The following CES2 variants were observed in gnomAD, a reference collection of about 807,000 sequenced individuals.
CES2 encodes carboxylesterase 2.
CES2 carries 42 observed loss-of-function variants against 52.1 expected under a neutral mutation model. That is an observed-to-expected ratio of 0.81 (90% CI 0.63 to 1.04). The LOEUF is 1.04. Among genes scored for constraint, CES2 ranks in the 50% least tolerant of loss-of-function variants. The pLI, the probability that CES2 is intolerant of heterozygous loss-of-function variation, is 0.00. For missense variants in CES2, 656 were observed against 724.3 expected, an observed-to-expected ratio of 0.91 and a Z score of 1.08; for synonymous variants, 277 against 289.6, an observed-to-expected ratio of 0.96 and a Z score of 0.44.
chr16:66,941,016 G>C, intron 5 of CES2, 108 bp from the exon 6 acceptor site: 1 of 1,486,434 alleles, frequency 6.7e-7, no homozygotes, highest in Non-Finnish European at 9.1e-7. Context: ...GAACTCATAC[G>C]AAGTACCCTC....
At position 66,939,307 on chromosome 16, in the gene CES2, G is replaced by C. The variant is rs779927105; in HGVS notation, c.372G>C (p.Leu124=). ...FPSDSMSEDC[L]YLSIYTPAHS... ...CCGACTCCATGTCTGAGGACTGCCT[G>C]TACCTCAGCATCTACACGCCGGCCC... The change falls in exon 3 of 12, where the codon CTG becomes CTC. Residue 124 remains leucine, a synonymous_variant. Coordinates refer to ENST00000317091, the MANE Select transcript of CES2 (RefSeq NM_001365405.1). 49 of 1,613,938 alleles carry C rather than the reference G, an allele frequency of 3.0e-5. No homozygotes were observed. In the East Asian group the frequency reaches 1.1e-3, roughly 36 times the overall value.
chr16:66,936,144 C>T (rs1386322403), intron 1 of CES2, among the ~76,000 whole-genome samples: 3 of 152,142 alleles, frequency 2.0e-5, no homozygotes, highest in Non-Finnish European at 4.4e-5. Flanking sequence ...GGGGGATGCC[C>T]TGAGCCCTCC....
intron 6 of CES2, 70 bp downstream of exon 6, chr16:66,941,292 C>T (rs11568310): frequency 0.016 from 25,338 of 1,579,010 alleles, 255 homozygotes; most frequent in Non-Finnish European, 0.019. Flanking sequence ...CCTGCACGGC[C>T]GTCATATTCC....
At position 66,943,484 on chromosome 16, in the gene CES2, T is replaced by C; in HGVS notation, c.1493+113T>C. 1.8e-6 allele frequency: 2 copies of C among 1,111,686 alleles called. No homozygotes were observed. The highest frequency in any genetic ancestry group is 2.7e-6 in the Non-Finnish European group (2 of 750,252). 68.9% of individuals were successfully genotyped at this position (1,111,686 alleles called of 1,614,324 possible). A position where few individuals can be genotyped will look rare whatever the true frequency, so the allele number is the denominator to read the frequency against. ...CACACCCGCATCCTTCATCACATGATGGCCCCTTCCCCAGCTCCGGGACCC... is the reference window on the plus strand; with the variant it reads ...CACACCCGCATCCTTCATCACATGACGGCCCCTTCCCCAGCTCCGGGACCC... On this transcript the variant is annotated intron_variant, in intron 11 of 11. Coordinates refer to ENST00000317091, the MANE Select transcript of CES2 (RefSeq NM_001365405.1). The surrounding 1 kb of genome is among the most constrained non-coding windows in gnomAD (Gnocchi z 4.2).
At chr16:66,940,853 A>G (rs532908875) in intron 5 of CES2, among the ~76,000 whole-genome samples, 158 bp downstream of exon 5, 1 of 152,166 alleles carries the variant, frequency 6.6e-6, no homozygotes, top group African/African-American at 2.4e-5. Flanking sequence ...GTCAGAATTC[A>G]CATCCTTCTG....
chr16:66,942,419 C>G, intron 9 of CES2, 170 bp downstream of exon 9: 4 of 849,236 alleles, frequency 4.7e-6, no homozygotes, highest in Non-Finnish European at 7.1e-6. Context: ...TCCGACATTT[C>G]CCCCATTTCA....
intron 10 of CES2, 68 bp downstream of exon 10, chr16:66,942,853 G>C (rs1963400218): frequency 1.2e-6 from 2 of 1,608,500 alleles, no homozygotes; most frequent in South Asian, 2.2e-5. Flanking sequence ...ATGATTGATT[G>C]TCCTCACTGC....
chr16:66,941,729 A>G (rs777211198), intron 7 of CES2, 39 bp from the exon 8 acceptor site: 6 of 1,613,888 alleles, frequency 3.7e-6, no homozygotes, highest in Non-Finnish European at 4.2e-6. Flanking sequence ...CTCCAGGCTC[A>G]TCCCATCCCC....
intron 9 of CES2, 69 bp downstream of exon 9, chr16:66,942,318 T>C (rs1963387737): frequency 4.7e-6 from 7 of 1,500,988 alleles, no homozygotes; most frequent in Admixed American, 3.8e-5. Context: ...AGGTGAGACC[T>C]GCTGCTGTCC....
At chr16:66,942,015 C>T (rs1963378578) in intron 8 of CES2, 90 bp from the exon 9 acceptor site, 1 of 1,533,166 alleles carries the variant, frequency 6.5e-7, no homozygotes, top group South Asian at 1.2e-5. Context: ...CTTTGCTCCC[C>T]CTTCCTGTGC....
intron 3 of CES2, among the ~76,000 whole-genome samples, 162 bp from the exon 4 acceptor site, chr16:66,940,060 C>T (rs1963316916): frequency 6.6e-6 from 1 of 152,116 alleles, no homozygotes; most frequent in East Asian, 1.9e-4. Flanking sequence ...CCTGGTCTTC[C>T]TGATAGATCT....
Position 66,939,316 on chromosome 16 carries a change from C to G in CES2, c.381C>G (p.Ser127Arg). ...DSMSEDCLYLSIYTPAHSHEG... is the reference protein window; with the variant it reads ...DSMSEDCLYLRIYTPAHSHEG... ...TGTCTGAGGACTGCCTGTACCTCAG[C>G]ATCTACACGCCGGCCCATAGCCATG... is the stretch of plus-strand genomic sequence containing the variant. The change falls in exon 3 of 12, where the codon AGC (serine) becomes AGG (arginine). Residue 127 changes from serine (S) to arginine (R), a missense_variant. Physicochemically the swap from Ser to Arg is moderately radical, Grantham distance 110. Transcript: ENST00000317091. 1 of 1,613,916 alleles carries G rather than the reference C, an allele frequency of 6.2e-7. No homozygotes were observed. The highest frequency in any genetic ancestry group is 8.5e-7 in the Non-Finnish European group (1 of 1,179,898).
chr16:66,941,171 G>T lies in CES2; in HGVS notation c.864G>T (p.Leu288=). 6.2e-7 allele frequency: 1 copy of T among 1,614,196 alleles called. No individual in the cohort carries two copies. The change falls in exon 6 of 12, where the codon CTG becomes CTT. Residue 288 remains leucine (L), a synonymous_variant. Transcript: ENST00000317091. ...SACDQVDSEA[L]VGCLRGKSKE... ...GTGACCAAGTTGACTCTGAGGCCCT[G>T]GTGGGCTGCCTGCGGGGCAAGAGTA...
chr16:66,941,787 C>T lies in CES2; in HGVS notation c.1076C>T (p.Thr359Ile), dbSNP rs769299857. Residue 359 changes from threonine to isoleucine, a missense_variant, in exon 8 of 12, where the codon ACC becomes ATC. Physicochemically the swap from Thr to Ile is moderately conservative, Grantham distance 89. Coordinates refer to ENST00000317091, the MANE Select transcript of CES2 (RefSeq NM_001365405.1). ...ATCCAGGTCATGAGGATCTATGATACCCAGAAGGAAATGGACAGAGAGGCC... is the reference window on the plus strand; with the variant it reads ...ATCCAGGTCATGAGGATCTATGATATCCAGAAGGAAATGGACAGAGAGGCC... ...LIPKVMRIYD[T>I]QKEMDREASQ... 3.7e-6 allele frequency: 6 copies of T among 1,614,016 alleles called. No homozygotes were observed. The African/African-American group carries it at 8.0e-5, about 22-fold the overall frequency.
rs577343202 is a variant in CES2 at position 66,935,868 on chromosome 16, C to T, written c.76+157C>T. The T allele has an allele frequency of 4.1e-5, 61 of 1,498,126 alleles. No homozygotes were observed. The Admixed American group carries it at 7.1e-4, about 17-fold the overall frequency. The allele number at this position is 1,498,126 out of a possible 1,614,324, so 92.8% of individuals were successfully genotyped here. On this transcript the variant is annotated intron_variant, in intron 1 of 11. Transcript: ENST00000317091. ...TGAGCCCCACGCAACGCCTCCCCGC[C>T]GCCCAAGGTGGGCTCCTAGAAGCAC... is the stretch of plus-strand genomic sequence containing the variant.
rs1026557670 is a variant in CES2, at chr16:66,941,606, T to A, written c.1016T>A (p.Val339Asp). ...SADFQPVPSIVGVNNNEFGWL... is the reference protein window; with the variant it reads ...SADFQPVPSIDGVNNNEFGWL... ...GACTTTCAGCCTGTCCCTAGCATTG[T>A]TGGTGTCAACAACAATGAATTCGGC... is the stretch of plus-strand genomic sequence containing the variant. The change falls in exon 7 of 12, where the codon GTT becomes GAT. Residue 339 changes from valine to aspartate, a missense_variant. Transcript: ENST00000317091. The A allele has an allele frequency of 6.2e-7, 1 of 1,614,008 alleles. No individual in the cohort carries two copies. The highest frequency in any genetic ancestry group is 1.3e-5 in the African/African-American group (1 of 74,908).
At chr16:66,942,019 C>T in intron 8 of CES2, 86 bp from the exon 9 acceptor site, 1 of 1,537,944 alleles carries the variant, frequency 6.5e-7, no homozygotes, top group Admixed American at 1.8e-5. Context: ...GCTCCCCCTT[C>T]CTGTGCCATC....
chr16:66,935,235 G>C (rs1963169846), upstream of CES2: 1 of 540,732 alleles, frequency 1.8e-6, no homozygotes, highest in African/African-American at 1.9e-5. Context: ...AGCCCTCCTG[G>C]GGTCTCCAAT....
Position 66,940,611 on chromosome 16 carries a change from A to G in CES2, c.732A>G (p.Gln244=), listed in dbSNP as rs1421754354. The G allele has an allele frequency of 8.1e-6, 13 of 1,614,046 alleles. No homozygotes were observed. The Admixed American group carries it at 1.8e-4, about 23-fold the overall frequency. ...CGCTTGTTGTGTCCCCCATATCCCA[A>G]GGACTCTTCCACGGAGCCATCATGG... is the stretch of plus-strand genomic sequence containing the variant. The part of the protein sequence containing the change: ...VSSLVVSPIS[Q]GLFHGAIMES... The change falls in exon 5 of 12, where the codon CAA becomes CAG. Residue 244 remains glutamine, a synonymous_variant. Transcript: ENST00000317091.
Sources: gnomAD v4.1 joint callset for allele counts (sites outside exome capture counted in the v4.1 genomes callset) on GRCh38, gnomAD v4.1.1 for gene constraint, Gnocchi (gnomAD v3.1) non-coding constraint, MANE v1.5 for transcripts, NCBI Gene and HGNC (gene_info 2026-07-23, HGNC 2026-07-21) for gene names.